Variants in CSF1R observed in about 807,000 individuals in gnomAD.
The protein encoded by CSF1R is macrophage colony-stimulating factor 1 receptor.
A neutral mutation model predicts 110.0 loss-of-function variants in CSF1R; 40 were observed. That is an observed-to-expected ratio of 0.36 (90% confidence interval 0.28 to 0.47). CSF1R has a LOEUF of 0.47. CSF1R is among the 20% of genes least tolerant of loss of function. The probability of loss-of-function intolerance (pLI) is 0.99; values close to 1 mark genes in which losing one functional copy is unlikely to be tolerated. For synonymous variants in CSF1R, 523 were observed against 503.4 expected (o/e 1.04, Z -0.52); for missense variants, 1,052 against 1,253.0 (o/e 0.84, Z 2.42).
intron 10 of CSF1R, among the ~76,000 whole-genome samples, chr5:150,064,063 C>T (rs1426109616): frequency 1.3e-5 from 2 of 152,190 alleles, no homozygotes; most frequent in African/African-American, 4.8e-5. Context: ...AGAAAACCTA[C>T]ATACCGCATG....
chr5:150,113,286 TCTCTTC>T (rs796927717), exon 1 of CSF1R: 30,418 of 156,306 alleles, frequency 0.19, 4,339 homozygotes, highest in African/African-American at 0.4. Context: ...CTCCGCTTCC[TCTCTTC>T]CTCTTCCTCT....
chr5:150,061,614 C>T lies in CSF1R; in HGVS notation c.1754-19G>A. ...GTCTTACCTGCCACGCACACAGGTC[C>T]CTTAAGTCCCTGGGCACCAAAGGGC... On this transcript the variant is annotated intron_variant, in intron 11 of 20. Coordinates refer to ENST00000675795, the MANE Select transcript of CSF1R (RefSeq NM_001288705.3). 6.2e-7 allele frequency: 1 copy of T among 1,614,090 alleles called. No individual in the cohort carries two copies. The highest frequency in any genetic ancestry group is 8.5e-7 in the Non-Finnish European group (1 of 1,179,986).
intron 1 of CSF1R, among the ~76,000 whole-genome samples, chr5:150,091,812 CA>C (rs1581339523): frequency 2.0e-5 from 1 of 51,268 alleles, no homozygotes; most frequent in South Asian, 5.9e-4. Flanking sequence ...CTTTGACAAA[CA>C]AAAACTAAGA....
At position 150,060,940 on chromosome 5, in the gene CSF1R, T is replaced by C. The variant is rs2113790173; in HGVS notation, c.1891A>G (p.Met631Val). 1 of 1,608,742 alleles carries C rather than the reference T, an allele frequency of 6.2e-7. No individual in the cohort carries two copies. The highest frequency in any genetic ancestry group is 8.5e-7 in the Non-Finnish European group (1 of 1,177,516). The change falls in exon 13 of 21, where the codon ATG (methionine) becomes GTG (valine). Residue 631 changes from methionine (M) to valine (V), a missense_variant. Coordinates refer to ENST00000675795, the MANE Select transcript of CSF1R (RefSeq NM_001288705.3). Reference sequence around the variant, plus strand: ...TGGCTCATGATCTTCAGCTCGGACATGAGGGCCTCCTTCTCATCAGCATGG... The same window carrying C: ...TGGCTCATGATCTTCAGCTCGGACACGAGGGCCTCCTTCTCATCAGCATGG... Reference protein sequence around the residue: ...TAHADEKEALMSELKIMSHLG... With the variant: ...TAHADEKEALVSELKIMSHLG...
At position 150,069,764 on chromosome 5, in the gene CSF1R, G is replaced by A. The variant is rs552728114; in HGVS notation, c.1510+109C>T. 15 of 1,096,126 alleles carry A rather than the reference G, an allele frequency of 1.4e-5. No homozygotes were observed. In the East Asian group the frequency reaches 2.9e-4, roughly 21 times the overall value. The allele number at this position is 1,096,126 out of a possible 1,614,324, so 67.9% of individuals were successfully genotyped here. A position where few individuals can be genotyped will look rare whatever the true frequency, so the allele number is the denominator to read the frequency against. On this transcript the variant is annotated intron_variant, in intron 9 of 20. Coordinates refer to ENST00000675795, the MANE Select transcript of CSF1R (RefSeq NM_001288705.3). ...GGTACTGCTAGGATCTGCTCCAAAG[G>A]TGGAGCCAACCCCAGCTCCCTCGGT...
intron 1 of CSF1R, 121 bp downstream of exon 1, chr5:150,086,258 C>T (rs958272507): frequency 2.2e-6 from 2 of 917,130 alleles, no homozygotes; most frequent in East Asian, 2.7e-5. Context: ...GCCTGCAGTC[C>T]AGTGTTGGGG....
chr5:150,077,892 C>G (rs183372005), intron 4 of CSF1R, among the ~76,000 whole-genome samples: 1 of 152,050 alleles, frequency 6.6e-6, no homozygotes, highest in East Asian at 1.9e-4. Flanking sequence ...TCCCCCCACC[C>G]ACCCCCACAA....
upstream of CSF1R, among the ~76,000 whole-genome samples, chr5:150,088,556 C>T (rs1383904412): frequency 6.7e-6 from 1 of 149,674 alleles, no homozygotes; most frequent in Non-Finnish European, 1.5e-5. Context: ...TTTTTTGAGA[C>T]AGGGTCTCAC....
At chr5:150,109,420 T>C (rs1759653820) in intron 1 of CSF1R, among the ~76,000 whole-genome samples, 1 of 152,160 alleles carries the variant, frequency 6.6e-6, no homozygotes, top group South Asian at 2.1e-4. Flanking sequence ...AGATGTGGGA[T>C]GATGGATTAG....
At position 150,061,772 on chromosome 5, in the gene CSF1R, C is replaced by T. The variant is rs771243135; in HGVS notation, c.1704G>A (p.Gln568=). Residue 568 remains glutamine (Q), a synonymous_variant, in exon 11 of 21, where the codon CAG becomes CAA. Transcript: ENST00000675795. The stretch of plus-strand genomic sequence containing the variant: ...ACTCCCACTTCTCGTTGTAAGGCAG[C>T]TGCGTGGGGTCGATGAAAGTATAAC... ...GNSYTFIDPT[Q]LPYNEKWEFP... The T allele has an allele frequency of 7.4e-6, 12 of 1,614,096 alleles. No individual in the cohort carries two copies. The highest frequency in any genetic ancestry group is 1.0e-5 in the Non-Finnish European group (12 of 1,180,054).
chr5:150,092,499 G>A (rs1487414661), intron 1 of CSF1R, among the ~76,000 whole-genome samples: 1 of 152,088 alleles, frequency 6.6e-6, no homozygotes, highest in Non-Finnish European at 1.5e-5. Flanking sequence ...ACCCAAGACT[G>A]GGTGATTTCT....
intron 8 of CSF1R, 40 bp downstream of exon 8, chr5:150,070,142 C>G: frequency 2.5e-6 from 4 of 1,610,064 alleles, no homozygotes; most frequent in Non-Finnish European, 2.5e-6. Context: ...GGTGCCCAGC[C>G]CCTGAGCCCA....
intron 6 of CSF1R, among the ~76,000 whole-genome samples, chr5:150,071,579 T>C (rs1283994080): frequency 6.6e-6 from 1 of 152,192 alleles, no homozygotes; most frequent in East Asian, 1.9e-4. Context: ...TTGACTTTTT[T>C]GGATAATTGA....
In CSF1R at chr5:150,053,836, G is replaced by C. The variant is rs1034592507; in HGVS notation, c.*233C>G. The stretch of plus-strand genomic sequence containing the variant: ...CCAACACCATGAGAACAGTAGGGGA[G>C]GGGGGGGTGAGGGCTCAGCCCCCAG... On this transcript the variant is annotated 3_prime_UTR_variant, in exon 21 of 21. Coordinates refer to ENST00000675795, the MANE Select transcript of CSF1R (RefSeq NM_001288705.3). The C allele has an allele frequency of 1.9e-4, 100 of 518,892 alleles. No homozygotes were observed. The highest frequency in any genetic ancestry group is 1.7e-3 in the South Asian group (83 of 47,736). 32.1% of individuals were successfully genotyped at this position (518,892 alleles called of 1,614,324 possible).
chr5:150,060,598 G>A lies in CSF1R; in HGVS notation c.1969+264C>T, dbSNP rs80156372. 0.034 allele frequency among the ~76,000 whole-genome samples: 5,147 copies of A among 152,112 alleles called. 271 individuals are homozygous for A. Among genetic ancestry groups the A allele is most frequent in the African/African-American group, 0.12 (4,862 of 41,468 alleles). On this transcript the variant is annotated intron_variant, in intron 13 of 20. Coordinates refer to ENST00000675795, the MANE Select transcript of CSF1R (RefSeq NM_001288705.3). Reference sequence around the variant, plus strand: ...AGAGGATCCGGCTCCCTGGAAGCAGGGCCTAGGAGCTTGCACATTCATCTC... The same window carrying A: ...AGAGGATCCGGCTCCCTGGAAGCAGAGCCTAGGAGCTTGCACATTCATCTC...
chr5:150,087,100 C>T (rs1233150241), upstream of CSF1R, among the ~76,000 whole-genome samples: 5 of 152,262 alleles, frequency 3.3e-5, no homozygotes, highest in Non-Finnish European at 5.9e-5. Context: ...TGAGATCTGA[C>T]GTTATCTCTA....
intron 16 of CSF1R, 133 bp downstream of exon 16, chr5:150,057,154 A>T (rs924369142): frequency 1.4e-6 from 1 of 719,364 alleles, no homozygotes; most frequent in Non-Finnish European, 2.3e-6. Context: ...TGCTGCCCAA[A>T]TGACTCTCTC....
At chr5:150,090,104 G>A (rs1244803549), upstream of CSF1R, among the ~76,000 whole-genome samples, 1 of 152,142 alleles carries the variant, frequency 6.6e-6, no homozygotes, top group Non-Finnish European at 1.5e-5. Flanking sequence ...TAATATTCAT[G>A]ACCTTGGAAT....
intron 1 of CSF1R, among the ~76,000 whole-genome samples, chr5:150,111,372 G>T (rs1391162526): frequency 6.6e-6 from 1 of 152,204 alleles, no homozygotes; most frequent in Non-Finnish European, 1.5e-5. Context: ...CGCCTGAGGG[G>T]AGAGACTGGG....
Sources: allele counts gnomAD v4.1 joint callset (sites outside exome capture counted in the v4.1 genomes callset), GRCh38; gene constraint gnomAD v4.1.1; transcripts MANE v1.5; gene names NCBI Gene and HGNC (gene_info 2026-07-23, HGNC 2026-07-21).